The following XRRA1 variants were observed in gnomAD, a reference collection of about 807,000 sequenced individuals.
XRRA1 encodes X-ray radiation resistance associated 1.
Under a neutral mutation model 80.2 loss-of-function variants are expected in XRRA1, and 69 were observed. The observed-to-expected ratio is 0.86, with a 90% CI of 0.71 to 1.05. XRRA1 has a LOEUF of 1.05. Ranked by LOEUF, XRRA1 falls within the 50% of genes least tolerant of loss-of-function variation. XRRA1 has a pLI of 0.00. For synonymous variants in XRRA1, 348 were observed against 389.9 expected (o/e 0.89, Z 1.27); for missense variants, 967 against 976.4 (o/e 0.99, Z 0.13).
intron 8 of XRRA1, chr11:74,913,787 G>A (rs974547816): frequency 6.6e-6 from 1 of 152,084 alleles, no homozygotes; most frequent in Non-Finnish European, 1.5e-5. Context: ...ATGGAGGTAA[G>A]CCCCCTCCCC....
intron 11 of XRRA1, among the ~76,000 whole-genome samples, chr11:74,860,353 A>T (rs918733677): frequency 1.3e-5 from 2 of 152,208 alleles, no homozygotes; most frequent in African/African-American, 4.8e-5. Flanking sequence ...AGTATCCTCC[A>T]CTATGTAATT....
At position 74,841,372 on chromosome 11, in the gene XRRA1, C is replaced by G. The variant is rs2036516781; in HGVS notation, c.*1828G>C. Reference sequence around the variant, plus strand: ...TCTGAAGATGATCTAGGAAATGCATCTTTATACATGATTGTTAGCTGCTGT... The same window carrying G: ...TCTGAAGATGATCTAGGAAATGCATGTTTATACATGATTGTTAGCTGCTGT... On this transcript the variant is annotated 3_prime_UTR_variant, in exon 19 of 19. Coordinates refer to ENST00000684022, the MANE Select transcript of XRRA1 (RefSeq NM_001378157.1). The G allele has an allele frequency of 6.6e-6, 1 of 152,070 alleles. No homozygotes were observed. The highest frequency in any genetic ancestry group is 2.4e-5 in the African/African-American group (1 of 41,384). 9.4% of individuals were successfully genotyped at this position (152,070 alleles called of 1,614,324 possible). A position where few individuals can be genotyped will look rare whatever the true frequency, so the allele number is the denominator to read the frequency against.
Position 74,943,524 on chromosome 11 carries a change from G to GTAGGAGGGT in XRRA1, c.-5+1493_-5+1494insACCCTCCTA, listed in dbSNP as rs1946788820. ...GGAGGCGAGGGGAAGAGAGTAGGAG[G>GTAGGAGGGT]GTGTGTGTGTGTGTGTGTGTGTGTG... On this transcript the variant is annotated intron_variant, in intron 2 of 18. Transcript: ENST00000684022. 3.4e-3 allele frequency among the ~76,000 whole-genome samples: 471 copies of GTAGGAGGGT among 137,820 alleles called. 7 individuals carry two copies. Among genetic ancestry groups the GTAGGAGGGT allele is most frequent in the African/African-American group, 0.012 (441 of 37,340 alleles). The allele number at this position is 137,820 out of a possible 152,430, so 90.4% of individuals were successfully genotyped here.
chr11:74,940,660 G>C, intron 3 of XRRA1, 125 bp downstream of exon 3: 1 of 758,720 alleles, frequency 1.3e-6, no homozygotes, highest in South Asian at 1.7e-5. Context: ...TAGGACTGGA[G>C]GGGGAAGGAT....
At chr11:74,880,630 T>C (rs1249323871) in intron 10 of XRRA1, among the ~76,000 whole-genome samples, 3 of 151,700 alleles carry the variant, frequency 2.0e-5, no homozygotes, top group African/African-American at 7.3e-5. Context: ...CAAACTGCTT[T>C]GAATGCGTCC....
chr11:74,853,993 G>C (rs143210452), intron 12 of XRRA1, among the ~76,000 whole-genome samples: 12 of 152,200 alleles, frequency 7.9e-5, no homozygotes, highest in African/African-American at 2.9e-4. Flanking sequence ...ATACTGGGGG[G>C]GCGGAGGATG....
chr11:74,915,557 G>A (rs571624739), intron 8 of XRRA1, among the ~76,000 whole-genome samples: 7 of 152,234 alleles, frequency 4.6e-5, no homozygotes, highest in East Asian at 1.9e-4. Flanking sequence ...ATATGGCACC[G>A]AATTTCTAGA....
intron 6 of XRRA1, among the ~76,000 whole-genome samples, chr11:74,929,508 C>T (rs994065379): frequency 2.0e-5 from 3 of 152,208 alleles, no homozygotes; most frequent in Admixed American, 2.0e-4. Flanking sequence ...CCAATTCACT[C>T]CCGGTCCTTG....
chr11:74,861,384 T>G (rs916529344), intron 11 of XRRA1, among the ~76,000 whole-genome samples: 2 of 152,180 alleles, frequency 1.3e-5, no homozygotes, highest in Admixed American at 6.5e-5. Context: ...GGATCAGCAG[T>G]GGCATTAGAT....
chr11:74,946,201 T>C (rs1162385634), intron 1 of XRRA1, among the ~76,000 whole-genome samples: 1 of 152,152 alleles, frequency 6.6e-6, no homozygotes, highest in Admixed American at 6.5e-5. Context: ...ACTCAGCCTC[T>C]CAAAGTGTTG....
chr11:74,912,737 C>T (rs2056185815), intron 8 of XRRA1, among the ~76,000 whole-genome samples: 1 of 152,210 alleles, frequency 6.6e-6, no homozygotes, highest in African/African-American at 2.4e-5. Context: ...GCCTCTCATT[C>T]AGTTCCTATT....
chr11:74,845,160 GT>G lies in XRRA1; in HGVS notation c.1839del (p.Lys613AsnfsTer18). The G allele has an allele frequency of 1.2e-6, 2 of 1,614,080 alleles. No individual in the cohort carries two copies. Among genetic ancestry groups the G allele is most frequent in the South Asian group, 2.2e-5 (2 of 91,084 alleles). On this transcript the variant is annotated frameshift_variant, in exon 16 of 19. Coordinates refer to ENST00000684022, the MANE Select transcript of XRRA1 (RefSeq NM_001378157.1). LOFTEE classifies it high-confidence loss of function. ...APREVKGTRR[K>X]LPTAFLPSKY... ...TTGCTGGGAAGGAAGGCAGTTGGGA[GT>G]TTCCTCCGAGTCCCTTTCACCTCTC...
chr11:74,898,157 G>C (rs951612746), intron 10 of XRRA1, among the ~76,000 whole-genome samples: 1 of 151,888 alleles, frequency 6.6e-6, no homozygotes, highest in African/African-American at 2.4e-5. Flanking sequence ...GTTTTCTTTT[G>C]ACATGTTTGT....
At chr11:74,941,370 GTA>G (rs1319387087) in intron 2 of XRRA1, among the ~76,000 whole-genome samples, 2 of 152,168 alleles carry the variant, frequency 1.3e-5, no homozygotes, top group African/African-American at 4.8e-5. Context: ...AGAAAATAGT[GTA>G]CAAATAATGA....
chr11:74,894,974 T>C, intron 10 of XRRA1, among the ~76,000 whole-genome samples: 1 of 152,058 alleles, frequency 6.6e-6, no homozygotes, highest in East Asian at 1.9e-4. Context: ...TTAAAACAAA[T>C]ATCAGTAACC....
At chr11:74,846,656 A>G (rs1457920255) in intron 15 of XRRA1, among the ~76,000 whole-genome samples, 1 of 152,188 alleles carries the variant, frequency 6.6e-6, no homozygotes, top group East Asian at 1.9e-4. Flanking sequence ...TAATATATCA[A>G]AACCATATGA....
At chr11:74,863,486 C>G (rs191343196) in intron 10 of XRRA1, 1 of 159,168 alleles carries the variant, frequency 6.3e-6, no homozygotes, top group Admixed American at 6.3e-5. Flanking sequence ...GGAAATATTT[C>G]TTATATTAGT....
In XRRA1 at chr11:74,889,199, T is replaced by G. The variant is rs1264587887; in HGVS notation, c.1003+17040A>C. ...AAGGGAAGCCCATCAGACTAACAGC[T>G]GATCTCTTGACAGAAACTCTACAAG... On this transcript the variant is annotated intron_variant, in intron 10 of 18. Transcript: ENST00000684022. Among the ~76,000 whole-genome samples, 4 of 152,176 alleles carry G rather than the reference T, an allele frequency of 2.6e-5. No homozygotes were observed. The East Asian group carries it at 5.8e-4, about 22-fold the overall frequency.
rs1292337360 is a variant in XRRA1, at chr11:74,893,019, C to G, written c.1003+13220G>C. On this transcript the variant is annotated intron_variant, in intron 10 of 18. Coordinates refer to ENST00000684022, the MANE Select transcript of XRRA1 (RefSeq NM_001378157.1). ...GTGGCAATTCCTCAGGGATCTAGAA[C>G]TAGAAATACCATTTGACCCAGAAAT... Among the ~76,000 whole-genome samples, 4 of 152,272 alleles carry G rather than the reference C, an allele frequency of 2.6e-5. No homozygotes were observed. The East Asian group carries it at 7.7e-4, about 29-fold the overall frequency.
Sources: gnomAD v4.1 joint callset for allele counts (sites outside exome capture counted in the v4.1 genomes callset) on GRCh38, gnomAD v4.1.1 for gene constraint, MANE v1.5 for transcripts, NCBI Gene and HGNC (gene_info 2026-07-23, HGNC 2026-07-21) for gene names.